The following CTNNA3 variants were observed in gnomAD, a reference collection of about 807,000 sequenced individuals.
CTNNA3 encodes catenin alpha-3.
Under a neutral mutation model 95.7 loss-of-function variants are expected in CTNNA3, and 76 were observed. The observed-to-expected ratio is 0.79, with a 90% CI of 0.66 to 0.96. CTNNA3 has a LOEUF of 0.96. Among genes scored for constraint, CTNNA3 ranks in the 40% least tolerant of loss-of-function variants. CTNNA3 has a pLI of 0.00. For missense variants in CTNNA3, 1,191 were observed against 1,089.8 expected, an observed-to-expected ratio of 1.09 and a Z score of -1.31; for synonymous variants, 431 against 374.4, an observed-to-expected ratio of 1.15 and a Z score of -1.74.
intron 10 of CTNNA3, among the ~76,000 whole-genome samples, chr10:66,522,839 T>G (rs143477103): frequency 6.8e-4 from 103 of 152,110 alleles, no homozygotes; most frequent in African/African-American, 2.4e-3. Flanking sequence ...AATTTTTTCA[T>G]AAAACACATT....
Position 67,275,390 on chromosome 10 carries a change from A to C in CTNNA3, c.580-55520T>G, listed in dbSNP as rs140910628. 2.3e-4 allele frequency among the ~76,000 whole-genome samples: 35 copies of C among 152,300 alleles called. 1 individual carries two copies. Among genetic ancestry groups the C allele is most frequent in the African/African-American group, 8.4e-4 (35 of 41,578 alleles). On this transcript the variant is annotated intron_variant, in intron 5 of 17. Transcript: ENST00000433211. ...GGATCAAAGAAAATGTCTTTATGTA[A>C]ATTAGATAATAGATGAGAAACTTTG... is the stretch of plus-strand genomic sequence containing the variant.
intron 17 of CTNNA3, among the ~76,000 whole-genome samples, chr10:65,937,942 A>G (rs921477229): frequency 1.3e-5 from 2 of 152,142 alleles, no homozygotes; most frequent in Non-Finnish European, 2.9e-5. Flanking sequence ...ACAGGTTCAG[A>G]TGGACTGCCC....
chr10:67,233,029 C>A (rs1865291686), intron 5 of CTNNA3, among the ~76,000 whole-genome samples: 1 of 152,182 alleles, frequency 6.6e-6, no homozygotes, highest in Non-Finnish European at 1.5e-5. Flanking sequence ...GAGTGACCTA[C>A]AAAGAGACTT....
chr10:66,103,011 A>T, intron 14 of CTNNA3, 146 bp downstream of exon 14: 1 of 656,270 alleles, frequency 1.5e-6, no homozygotes, highest in Non-Finnish European at 2.7e-6. Flanking sequence ...GGTTTCCCTT[A>T]ATGCTAAGGC....
intron 1 of CTNNA3, among the ~76,000 whole-genome samples, chr10:67,676,733 T>C (rs1417846349): frequency 6.6e-6 from 1 of 152,194 alleles, no homozygotes; most frequent in African/African-American, 2.4e-5. Flanking sequence ...TAGCTGTTGC[T>C]GTGGATCCAG....
intron 11 of CTNNA3, among the ~76,000 whole-genome samples, chr10:66,497,121 T>C (rs1466268763): frequency 6.6e-6 from 1 of 152,120 alleles, no homozygotes; most frequent in Non-Finnish European, 1.5e-5. Context: ...ACAGTCACAT[T>C]CTGAGTTACA....
intron 7 of CTNNA3, among the ~76,000 whole-genome samples, chr10:66,860,539 C>T (rs1265228129): frequency 6.6e-6 from 1 of 152,070 alleles, no homozygotes; most frequent in Admixed American, 6.6e-5. Flanking sequence ...GCAGCAGTCT[C>T]CCTCATGGCT....
At chr10:66,749,335 A>G (rs532811212) in intron 9 of CTNNA3, among the ~76,000 whole-genome samples, 185 of 151,778 alleles carry the variant, frequency 1.2e-3, no homozygotes, top group Non-Finnish European at 1.6e-3. Flanking sequence ...AAACAGTTTC[A>G]CTGCCCTAAA....
chr10:66,032,902 TGGACTCAGAGAAGTCAAG>T (rs1292974788), intron 15 of CTNNA3, among the ~76,000 whole-genome samples: 1 of 152,164 alleles, frequency 6.6e-6, no homozygotes, highest in Non-Finnish European at 1.5e-5. Flanking sequence ...GGAGAGGAAA[TGGACTCAGAGAAGTCAAG>T]GGACTTGCCC....
At chr10:67,192,589 A>G (rs1257926161) in intron 6 of CTNNA3, among the ~76,000 whole-genome samples, 1 of 152,000 alleles carries the variant, frequency 6.6e-6, no homozygotes, top group African/African-American at 2.4e-5. Context: ...GGATATTATT[A>G]AAAAGACAAG....
intron 13 of CTNNA3, among the ~76,000 whole-genome samples, chr10:66,245,923 T>C (rs1320772370): frequency 3.3e-5 from 5 of 152,204 alleles, no homozygotes; most frequent in African/African-American, 7.2e-5. Context: ...TTGGCTTTTA[T>C]GGGCCTCAAA....
intron 9 of CTNNA3, among the ~76,000 whole-genome samples, chr10:66,657,676 T>C (rs558322828): frequency 6.6e-6 from 1 of 152,348 alleles, no homozygotes; most frequent in South Asian, 2.1e-4. Flanking sequence ...TGCTGCTTTA[T>C]AATTTTTATT....
At chr10:66,751,521 T>C (rs1397765658) in intron 9 of CTNNA3, among the ~76,000 whole-genome samples, 1 of 152,192 alleles carries the variant, frequency 6.6e-6, no homozygotes, top group African/African-American at 2.4e-5. Flanking sequence ...ACTACCTCAT[T>C]GGATTGTCCC....
At chr10:66,687,014 G>C (rs1847321657) in intron 9 of CTNNA3, among the ~76,000 whole-genome samples, 1 of 151,976 alleles carries the variant, frequency 6.6e-6, no homozygotes. Context: ...CAAAGAACTT[G>C]ATGATATCTT....
chr10:67,450,348 A>C (rs1846928001), intron 5 of CTNNA3, among the ~76,000 whole-genome samples: 1 of 152,144 alleles, frequency 6.6e-6, no homozygotes, highest in Non-Finnish European at 1.5e-5. Context: ...TATGCACATG[A>C]ATGTTCACTG....
intron 10 of CTNNA3, among the ~76,000 whole-genome samples, chr10:66,612,506 T>C (rs1346243223): frequency 6.6e-6 from 1 of 152,094 alleles, no homozygotes; most frequent in African/African-American, 2.4e-5. Flanking sequence ...AACATCACTT[T>C]ACTGGGAGGT....
chr10:65,979,898 G>A (rs558895295), intron 16 of CTNNA3, among the ~76,000 whole-genome samples: 2 of 151,982 alleles, frequency 1.3e-5, no homozygotes, highest in Non-Finnish European at 2.9e-5. Context: ...TTATAAAGTA[G>A]GAGTTCATTA....
intron 2 of CTNNA3, among the ~76,000 whole-genome samples, chr10:67,607,785 G>A (rs1843329937): frequency 6.6e-6 from 1 of 152,156 alleles, no homozygotes; most frequent in East Asian, 1.9e-4. Context: ...CTTAGTGATT[G>A]AATTTCAAAA....
At chr10:67,205,914 C>T (rs1470453755) in intron 6 of CTNNA3, among the ~76,000 whole-genome samples, 1 of 152,140 alleles carries the variant, frequency 6.6e-6, no homozygotes, top group African/African-American at 2.4e-5. Flanking sequence ...AGCTTCTCGC[C>T]AGCTTTTCAA....
Sources: allele counts gnomAD v4.1 joint callset (sites outside exome capture counted in the v4.1 genomes callset), GRCh38; gene constraint gnomAD v4.1.1; transcripts MANE v1.5; gene names NCBI Gene and HGNC (gene_info 2026-07-23, HGNC 2026-07-21).